Variants in NDRG3 observed in about 807,000 individuals in gnomAD.
The protein encoded by NDRG3 is protein NDRG3.
Under a neutral mutation model 57.2 loss-of-function variants are expected in NDRG3, and 23 were observed. That is an observed-to-expected ratio of 0.40 (90% CI 0.29 to 0.57). The LOEUF is 0.57. NDRG3 is among the 20% of genes least tolerant of loss of function. The pLI is 0.42. For synonymous variants in NDRG3, 132 were observed against 162.6 expected (o/e 0.81, Z 1.43); for missense variants, 384 against 457.3 (o/e 0.84, Z 1.46).
At position 36,735,175 on chromosome 20, in the gene NDRG3, C is replaced by T. The variant is rs568941814; in HGVS notation, c.-49+10870G>A. ...ATAGCCAACAATACACCATATCACA[C>T]GTTTAACAGTATACAAGTCACCCCA... is the stretch of plus-strand genomic sequence containing the variant. On this transcript the variant is annotated intron_variant, in intron 1 of 15. Coordinates refer to ENST00000349004, the MANE Select transcript of NDRG3 (RefSeq NM_032013.4). Among the ~76,000 whole-genome samples the T allele has an allele frequency of 9.2e-5, 14 of 152,232 alleles. No individual in the cohort carries two copies. The South Asian group carries it at 2.7e-3, about 29-fold the overall frequency.
intron 12 of NDRG3, 31 bp from the exon 13 acceptor site, chr20:36,660,415 T>A: frequency 6.3e-7 from 1 of 1,581,866 alleles, no homozygotes; most frequent in South Asian, 1.1e-5. Flanking sequence ...AGAAAATAAT[T>A]TTATGAGTTG....
intron 3 of NDRG3, among the ~76,000 whole-genome samples, chr20:36,703,140 A>G (rs1427469131): frequency 6.6e-6 from 1 of 152,086 alleles, no homozygotes; most frequent in Non-Finnish European, 1.5e-5. Context: ...TACACAAAAT[A>G]AGTGTTATTT....
At chr20:36,657,751 A>C (rs1600849920) in intron 13 of NDRG3, among the ~76,000 whole-genome samples, 1 of 152,214 alleles carries the variant, frequency 6.6e-6, no homozygotes, top group African/African-American at 2.4e-5. Flanking sequence ...GAAGACGCAG[A>C]AGTTTGAGAT....
At chr20:36,708,743 C>T (rs1048430973) in intron 2 of NDRG3, among the ~76,000 whole-genome samples, 1 of 151,850 alleles carries the variant, frequency 6.6e-6, no homozygotes, top group African/African-American at 2.4e-5. Context: ...GGTTAAAAAG[C>T]ACAGCCCAAG....
At chr20:36,695,508 C>T (rs138167716) in intron 3 of NDRG3, among the ~76,000 whole-genome samples, 59 of 152,266 alleles carry the variant, frequency 3.9e-4, no homozygotes, top group Non-Finnish European at 6.8e-4. Flanking sequence ...GGGAAAAGAA[C>T]GCATTCCTGG....
chr20:36,723,659 A>AGT (rs36022065), intron 1 of NDRG3, among the ~76,000 whole-genome samples: 45,086 of 132,614 alleles, frequency 0.34, 7,544 homozygotes, highest in East Asian at 0.54. Context: ...ATATTAGTCT[A>AGT]GTGTGTGTGT....
intron 1 of NDRG3, among the ~76,000 whole-genome samples, chr20:36,729,686 C>G (rs867289452): frequency 6.6e-6 from 1 of 152,076 alleles, no homozygotes; most frequent in African/African-American, 2.4e-5. Flanking sequence ...CGCAACCACG[C>G]CTGGCTAATT....
At chr20:36,712,691 G>A (rs1489185902) in intron 2 of NDRG3, among the ~76,000 whole-genome samples, 1 of 139,870 alleles carries the variant, frequency 7.1e-6, no homozygotes, top group Non-Finnish European at 1.5e-5. Context: ...CGCCTGCCAA[G>A]TTCCATCGAT....
chr20:36,677,054 G>A (rs1239439770), intron 8 of NDRG3, among the ~76,000 whole-genome samples: 2 of 152,238 alleles, frequency 1.3e-5, no homozygotes, highest in Admixed American at 1.3e-4. Flanking sequence ...TACAGCTGCA[G>A]CCGCTGCGCC....
At position 36,653,789 on chromosome 20, in the gene NDRG3, C is replaced by G; in HGVS notation, c.947-88G>C. 3 of 1,234,202 alleles carry G rather than the reference C, an allele frequency of 2.4e-6. No homozygotes were observed. Among genetic ancestry groups the G allele is most frequent in the Non-Finnish European group, 3.4e-6 (3 of 884,040 alleles). 76.5% of individuals were successfully genotyped at this position (1,234,202 alleles called of 1,614,324 possible). The stretch of plus-strand genomic sequence containing the variant: ...GTCTCATCAAAGTCTTTATGTTTAG[C>G]TTTTCCGACTCATTTACCATGACAC... On this transcript the variant is annotated intron_variant, in intron 15 of 15. Transcript: ENST00000349004. This position sits in a 1 kb window ranked among gnomAD's most constrained non-coding sequence, Gnocchi z 4.2.
chr20:36,681,424 T>C (rs1981280138), intron 7 of NDRG3, among the ~76,000 whole-genome samples: 1 of 151,230 alleles, frequency 6.6e-6, no homozygotes. Flanking sequence ...GATCACGAGG[T>C]CAGGAGTTAG....
chr20:36,681,228 A>G (rs888285921), intron 7 of NDRG3, among the ~76,000 whole-genome samples: 4 of 152,092 alleles, frequency 2.6e-5, no homozygotes, highest in African/African-American at 9.7e-5. Context: ...CCATGCTCAT[A>G]TATCTTTGTT....
intron 13 of NDRG3, among the ~76,000 whole-genome samples, chr20:36,657,170 T>G (rs530672462): frequency 6.6e-6 from 1 of 152,282 alleles, no homozygotes; most frequent in South Asian, 2.1e-4. Flanking sequence ...TCTGATTTGA[T>G]AGGTTTGGGG....
At chr20:36,724,179 CA>C (rs1186050942) in intron 1 of NDRG3, among the ~76,000 whole-genome samples, 2 of 152,230 alleles carry the variant, frequency 1.3e-5, no homozygotes, top group East Asian at 1.9e-4. Flanking sequence ...AACAGACTAA[CA>C]AAAAAGCCCT....
At chr20:36,658,023 G>T (rs934642352) in intron 13 of NDRG3, among the ~76,000 whole-genome samples, 13 of 152,070 alleles carry the variant, frequency 8.5e-5, no homozygotes, top group Non-Finnish European at 8.8e-5. Flanking sequence ...TTGTAGATGG[G>T]CATTTTTGCG....
At position 36,671,412 on chromosome 20, in the gene NDRG3, A is replaced by C; in HGVS notation, c.532-15T>G. 1 of 1,611,026 alleles carries C rather than the reference A, an allele frequency of 6.2e-7. No homozygotes were observed. Among genetic ancestry groups the C allele is most frequent in the African/African-American group, 1.3e-5 (1 of 74,914 alleles). On this transcript the variant is annotated splice_polypyrimidine_tract_variant and intron_variant, in intron 8 of 15. Transcript: ENST00000349004. ...AGGCCAGAGAGCTGAAAAGATAAAA[A>C]CTCTGTGTTAAGAATGTAAGCATAT...
intron 8 of NDRG3, among the ~76,000 whole-genome samples, chr20:36,677,356 C>T (rs1021844437): frequency 6.6e-6 from 1 of 152,228 alleles, no homozygotes; most frequent in African/African-American, 2.4e-5. Flanking sequence ...CTGAAGGCTA[C>T]GGGCTGGATT....
At chr20:36,701,544 CTTTTT>C (rs897071523) in intron 3 of NDRG3, among the ~76,000 whole-genome samples, 3 of 124,280 alleles carry the variant, frequency 2.4e-5, no homozygotes, top group Admixed American at 1.7e-4. Flanking sequence ...GACCCTGTAT[CTTTTT>C]TTTTTTTTTT....
At chr20:36,665,169 A>G in intron 11 of NDRG3, 67 bp downstream of exon 11, 2 of 1,606,594 alleles carry the variant, frequency 1.2e-6, no homozygotes, top group Non-Finnish European at 1.7e-6. Context: ...AAATTAGTCT[A>G]TGAAAGTCTA....
Sources: allele counts gnomAD v4.1 joint callset (sites outside exome capture counted in the v4.1 genomes callset), GRCh38; gene constraint gnomAD v4.1.1; non-coding constraint Gnocchi (gnomAD v3.1); transcripts MANE v1.5; gene names NCBI Gene and HGNC (gene_info 2026-07-23, HGNC 2026-07-21).